Variants in R3HDM2 observed in about 807,000 individuals in gnomAD.
R3HDM2 encodes R3H domain containing 2.
R3HDM2 carries 38 observed loss-of-function variants against 124.5 expected under a neutral mutation model. The ratio of observed to expected loss-of-function variants is 0.31; its 90% CI spans 0.24 to 0.40. R3HDM2 has a LOEUF of 0.40. Among genes scored for constraint, R3HDM2 ranks in the 10% least tolerant of loss-of-function variants. The pLI is 1.00. For synonymous variants in R3HDM2, 391 were observed against 448.0 expected (o/e 0.87, Z 1.61); for missense variants, 869 against 1,236.9 (o/e 0.70, Z 4.46).
chr12:57,255,208 T>C (rs1158190420), intron 23 of R3HDM2, 95 bp from the exon 24 acceptor site: 1 of 1,011,776 alleles, frequency 9.9e-7, no homozygotes, highest in African/African-American at 1.6e-5. Flanking sequence ...TGACTAAGTC[T>C]GTATACAATG....
At chr12:57,295,296 C>T in intron 10 of R3HDM2, 103 bp downstream of exon 10, 1 of 767,170 alleles carries the variant, frequency 1.3e-6, no homozygotes, top group South Asian at 1.6e-5. Context: ...TTTCTCCGTA[C>T]TAAGATATTT....
intron 1 of R3HDM2, among the ~76,000 whole-genome samples, chr12:57,402,446 TC>T (rs1347175438): frequency 1.3e-5 from 2 of 152,092 alleles, no homozygotes; most frequent in Non-Finnish European, 2.9e-5. Flanking sequence ...CCTCCTGGGT[TC>T]AAGAAATTCT....
At chr12:57,404,818 T>C (rs377558990) in intron 1 of R3HDM2, among the ~76,000 whole-genome samples, 1 of 151,968 alleles carries the variant, frequency 6.6e-6, no homozygotes, top group African/African-American at 2.4e-5. Flanking sequence ...AGGAGTTCAA[T>C]ACCAGCTTGA....
intron 2 of R3HDM2, among the ~76,000 whole-genome samples, chr12:57,363,618 T>C (rs927963915): frequency 1.3e-5 from 2 of 152,232 alleles, no homozygotes; most frequent in African/African-American, 4.8e-5. Flanking sequence ...TTGAGATGGA[T>C]ATGCTAATTA....
intron 1 of R3HDM2, among the ~76,000 whole-genome samples, chr12:57,422,690 CAG>C: frequency 6.6e-6 from 1 of 152,232 alleles, no homozygotes; most frequent in East Asian, 1.9e-4. Context: ...ATTTAAAGGA[CAG>C]GGGCCAGGTG....
intron 2 of R3HDM2, among the ~76,000 whole-genome samples, chr12:57,312,469 T>C (rs1462893091): frequency 6.6e-6 from 1 of 152,126 alleles, no homozygotes; most frequent in Non-Finnish European, 1.5e-5. Context: ...GAGTACTGTT[T>C]TGTTCACCTT....
chr12:57,281,268 C>T (rs762065370), intron 13 of R3HDM2, among the ~76,000 whole-genome samples: 69 of 120,054 alleles, frequency 5.7e-4, no homozygotes, highest in Admixed American at 5.0e-3. Context: ...GCCTGGGCGA[C>T]AAGAGCGAGA....
intron 1 of R3HDM2, among the ~76,000 whole-genome samples, chr12:57,409,320 C>G (rs2068801232): frequency 6.6e-6 from 1 of 151,976 alleles, no homozygotes; most frequent in Admixed American, 6.6e-5. Flanking sequence ...ACAGATCACA[C>G]CAAAACAGTC....
intron 2 of R3HDM2, among the ~76,000 whole-genome samples, chr12:57,373,527 A>G (rs1368776612): frequency 6.6e-6 from 1 of 151,496 alleles, no homozygotes; most frequent in Non-Finnish European, 1.5e-5. Context: ...ATAATAATAG[A>G]GGCTGGGCAC....
At chr12:57,269,109 A>G in intron 16 of R3HDM2, 27 bp from the exon 17 acceptor site, 2 of 1,612,534 alleles carry the variant, frequency 1.2e-6, no homozygotes, top group Non-Finnish European at 1.7e-6. Flanking sequence ...CAGAAAATAC[A>G]TTAGTATGAA....
At chr12:57,335,230 C>T in intron 2 of R3HDM2, among the ~76,000 whole-genome samples, 1 of 151,658 alleles carries the variant, frequency 6.6e-6, no homozygotes, top group South Asian at 2.1e-4. Flanking sequence ...TTTTTTGACA[C>T]AGAGTCTTGC....
At chr12:57,388,245 G>A (rs982270556) in intron 2 of R3HDM2, among the ~76,000 whole-genome samples, 3 of 152,164 alleles carry the variant, frequency 2.0e-5, no homozygotes, top group African/African-American at 4.8e-5. Flanking sequence ...GATTACAGGC[G>A]TGAGCCACCA....
intron 14 of R3HDM2, among the ~76,000 whole-genome samples, chr12:57,279,089 T>G (rs1252737783): frequency 6.6e-6 from 1 of 151,550 alleles, no homozygotes; most frequent in African/African-American, 2.4e-5. Context: ...CAGGATAAAG[T>G]ATGGGGCTCT....
chr12:57,407,652 G>A (rs543260978), intron 1 of R3HDM2, among the ~76,000 whole-genome samples: 5 of 152,076 alleles, frequency 3.3e-5, no homozygotes, highest in East Asian at 1.9e-4. Flanking sequence ...TGATCCACCC[G>A]CCTCGGCCTC....
intron 1 of R3HDM2, among the ~76,000 whole-genome samples, chr12:57,426,798 T>C (rs919284595): frequency 1.3e-5 from 2 of 152,166 alleles, no homozygotes; most frequent in Middle Eastern, 3.4e-3. Flanking sequence ...CATCTCAACA[T>C]CTCTCAATGA....
intron 1 of R3HDM2, among the ~76,000 whole-genome samples, chr12:57,420,574 T>C (rs941042250): frequency 6.6e-6 from 1 of 151,444 alleles, no homozygotes; most frequent in Non-Finnish European, 1.5e-5. Context: ...CCCAGGCTGG[T>C]CTCAAATTCC....
At chr12:57,292,844 T>C (rs1235964448) in intron 10 of R3HDM2, among the ~76,000 whole-genome samples, 177 bp from the exon 11 acceptor site, 1 of 152,108 alleles carries the variant, frequency 6.6e-6, no homozygotes, top group Non-Finnish European at 1.5e-5. Flanking sequence ...ACCATGCAGT[T>C]TGGGAGATCA....
intron 2 of R3HDM2, among the ~76,000 whole-genome samples, chr12:57,331,927 AT>A (rs574157370): frequency 1.4e-3 from 210 of 147,416 alleles, no homozygotes; most frequent in African/African-American, 4.7e-3. Flanking sequence ...AAAAAAAAAA[AT>A]TTTTTTTTTT....
Position 57,258,140 on chromosome 12 carries a change from G to A in R3HDM2, c.2302-3C>T. The A allele has an allele frequency of 6.5e-7, 1 of 1,530,820 alleles. No individual in the cohort carries two copies. Among genetic ancestry groups the A allele is most frequent in the South Asian group, 1.3e-5 (1 of 79,590 alleles). 94.8% of individuals were successfully genotyped at this position (1,530,820 alleles called of 1,614,324 possible). The stretch of plus-strand genomic sequence containing the variant: ...CTGCTGCTCATTTGTGTGTTGGCCT[G>A]TGGAAAAGAGGAGCACACGTCACAT... On this transcript the variant is annotated splice_polypyrimidine_tract_variant and splice_region_variant and intron_variant, in intron 20 of 23. Transcript: ENST00000402412.
Sources: allele counts gnomAD v4.1 joint callset (sites outside exome capture counted in the v4.1 genomes callset), GRCh38; gene constraint gnomAD v4.1.1; transcripts MANE v1.5; gene names NCBI Gene and HGNC (gene_info 2026-07-23, HGNC 2026-07-21).